CCSER1: variants seen among roughly 807,000 people sequenced by gnomAD.
CCSER1 encodes coiled-coil serine rich protein 1, also known as serine-rich coiled-coil domain-containing protein 1.
A neutral mutation model predicts 82.0 loss-of-function variants in CCSER1; 41 were observed. The ratio of observed to expected loss-of-function variants is 0.50; its 90% confidence interval spans 0.39 to 0.65. CCSER1 has a LOEUF of 0.65. CCSER1 is among the 30% of genes least tolerant of loss of function. The pLI, the probability that CCSER1 is intolerant of heterozygous loss-of-function variation, is 0.00. For missense variants in CCSER1, 1,119 were observed against 1,064.2 expected, an observed-to-expected ratio of 1.05 and a Z score of -0.72; for synonymous variants, 414 against 383.9, an observed-to-expected ratio of 1.08 and a Z score of -0.92.
At chr4:91,208,542 T>A (rs562617070) in intron 10 of CCSER1, among the ~76,000 whole-genome samples, 4 of 151,956 alleles carry the variant, frequency 2.6e-5, no homozygotes. Context: ...GTTGTAGGTA[T>A]GTGGCTTTAT....
intron 7 of CCSER1, among the ~76,000 whole-genome samples, chr4:90,787,175 T>A (rs1443814937): frequency 6.6e-6 from 1 of 152,160 alleles, no homozygotes; most frequent in Admixed American, 6.6e-5. Context: ...TATGGAAGCA[T>A]TCCTTCCTCC....
chr4:91,586,543 A>C (rs986232267), intron 10 of CCSER1, among the ~76,000 whole-genome samples: 4 of 151,694 alleles, frequency 2.6e-5, no homozygotes, highest in African/African-American at 9.7e-5. Context: ...AAAGTGCTGA[A>C]CTCCATTAAA....
rs190457419 is a variant in CCSER1 at position 90,592,462 on chromosome 4, A to G, written c.1725-35563A>G. Among the ~76,000 whole-genome samples the G allele has an allele frequency of 1.7e-3, 259 of 152,274 alleles. 1 individual carries two copies. Among genetic ancestry groups the G allele is most frequent in the African/African-American group, 6.1e-3 (253 of 41,574 alleles). On this transcript the variant is annotated intron_variant, in intron 5 of 10. Coordinates refer to ENST00000509176, the MANE Select transcript of CCSER1 (RefSeq NM_001145065.2). ...TAAAATAGCTATATGTTCATGTGTG[A>G]GGATTGGATAAGCATGTGAAATACT... is the stretch of plus-strand genomic sequence containing the variant.
chr4:90,487,338 T>G (rs1025858631), intron 5 of CCSER1, among the ~76,000 whole-genome samples: 1 of 152,248 alleles, frequency 6.6e-6, no homozygotes, highest in African/African-American at 2.4e-5. Flanking sequence ...ACTTAGATCA[T>G]GCACAGAAGG....
At chr4:91,580,537 G>T (rs1763679962) in intron 10 of CCSER1, among the ~76,000 whole-genome samples, 1 of 151,706 alleles carries the variant, frequency 6.6e-6, no homozygotes, top group Non-Finnish European at 1.5e-5. Flanking sequence ...ACTCATTGTA[G>T]AAACTCAGAA....
At chr4:90,811,367 T>A (rs373807331) in intron 7 of CCSER1, among the ~76,000 whole-genome samples, 1 of 152,220 alleles carries the variant, frequency 6.6e-6, no homozygotes, top group Non-Finnish European at 1.5e-5. Context: ...CAATACACTA[T>A]GCTGAAGAGT....
chr4:91,505,710 T>C (rs1759447665), intron 10 of CCSER1, among the ~76,000 whole-genome samples: 1 of 152,232 alleles, frequency 6.6e-6, no homozygotes, highest in Non-Finnish European at 1.5e-5. Flanking sequence ...GCTGAGCTTA[T>C]TTTCATGTTT....
chr4:90,313,528 A>G (rs1178786059), intron 3 of CCSER1, among the ~76,000 whole-genome samples: 4 of 152,148 alleles, frequency 2.6e-5, no homozygotes, highest in Non-Finnish European at 4.4e-5. Context: ...ATGAGGACCA[A>G]TGTGAAATGC....
chr4:90,789,524 C>G (rs577396893), intron 7 of CCSER1, among the ~76,000 whole-genome samples: 17 of 152,126 alleles, frequency 1.1e-4, no homozygotes, highest in Non-Finnish European at 2.4e-4. Flanking sequence ...TGTCCCCACC[C>G]AAATCTCATC....
intron 1 of CCSER1, among the ~76,000 whole-genome samples, chr4:90,206,288 T>G (rs1197572642): frequency 6.6e-6 from 1 of 152,174 alleles, no homozygotes; most frequent in African/African-American, 2.4e-5. Context: ...AATAGTGATG[T>G]TAGGGTGTCA....
intron 3 of CCSER1, chr4:90,325,782 C>A: frequency 3.6e-6 from 1 of 276,824 alleles, no homozygotes; most frequent in Admixed American, 3.8e-5. Context: ...AATTTAAACA[C>A]ATTAAATTAA....
intron 10 of CCSER1, among the ~76,000 whole-genome samples, chr4:91,306,666 G>T (rs889750923): frequency 1.3e-5 from 2 of 151,938 alleles, no homozygotes; most frequent in African/African-American, 4.8e-5. Context: ...CAAGATGATT[G>T]TCTAATTCTA....
intron 10 of CCSER1, among the ~76,000 whole-genome samples, chr4:91,567,765 T>C (rs1356065129): frequency 4.6e-5 from 7 of 152,110 alleles, no homozygotes; most frequent in Non-Finnish European, 4.4e-5. Flanking sequence ...TGTTATTACA[T>C]GTGAGATGGG....
chr4:90,997,714 A>C (rs1737624732), intron 9 of CCSER1, among the ~76,000 whole-genome samples: 1 of 152,200 alleles, frequency 6.6e-6, no homozygotes, highest in South Asian at 2.1e-4. Context: ...TCTTATTATT[A>C]ATATTCAAAT....
At chr4:91,380,598 G>A (rs1560626569) in intron 10 of CCSER1, among the ~76,000 whole-genome samples, 1 of 152,042 alleles carries the variant, frequency 6.6e-6, no homozygotes, top group Non-Finnish European at 1.5e-5. Context: ...CCGTTTGCTT[G>A]GTACATCTTC....
At chr4:91,021,119 G>A (rs1020278943) in intron 9 of CCSER1, among the ~76,000 whole-genome samples, 8 of 151,952 alleles carry the variant, frequency 5.3e-5, no homozygotes, top group Non-Finnish European at 8.8e-5. Flanking sequence ...TGGAAAGGTT[G>A]GATTTTAATA....
At chr4:90,817,059 A>G (rs147379154) in intron 8 of CCSER1, among the ~76,000 whole-genome samples, 392 of 152,288 alleles carry the variant, frequency 2.6e-3, no homozygotes, top group Non-Finnish European at 3.5e-3. Flanking sequence ...ATAACCTTTT[A>G]TAAACCTGTA....
At chr4:91,528,090 G>T (rs927697549) in intron 10 of CCSER1, among the ~76,000 whole-genome samples, 3 of 151,802 alleles carry the variant, frequency 2.0e-5, no homozygotes, top group Non-Finnish European at 2.9e-5. Context: ...AACTTTTTTT[G>T]TAGTATTATT....
intron 5 of CCSER1, among the ~76,000 whole-genome samples, chr4:90,542,703 T>C (rs1249336212): frequency 1.3e-5 from 2 of 152,166 alleles, no homozygotes; most frequent in African/African-American, 4.8e-5. Flanking sequence ...AATTAAAGTA[T>C]AAATGTTGTT....
Sources: allele counts gnomAD v4.1 joint callset (sites outside exome capture counted in the v4.1 genomes callset), GRCh38; gene constraint gnomAD v4.1.1; transcripts MANE v1.5; gene names NCBI Gene and HGNC (gene_info 2026-07-23, HGNC 2026-07-21).